Variants in GLI3 observed in about 807,000 individuals in gnomAD.
The protein encoded by GLI3 is transcription activator GLI3.
A neutral mutation model predicts 100.8 loss-of-function variants in GLI3; 20 were observed. The observed-to-expected ratio is 0.20, with a 90% CI of 0.14 to 0.29. The LOEUF (loss-of-function observed/expected upper bound fraction) is 0.29. Ranked by LOEUF, GLI3 falls within the 10% of genes least tolerant of loss-of-function variation. The pLI, the probability that GLI3 is intolerant of heterozygous loss-of-function variation, is 1.00. For synonymous variants in GLI3, 938 were observed against 860.5 expected, an observed-to-expected ratio of 1.09 and a Z score of -1.58; for missense variants, 2,040 against 2,128.5, an observed-to-expected ratio of 0.96 and a Z score of 0.82.
chr7:42,130,163 C>A (rs965846588), intron 3 of GLI3, among the ~76,000 whole-genome samples: 1 of 152,132 alleles, frequency 6.6e-6, no homozygotes, highest in African/African-American at 2.4e-5. Flanking sequence ...AAGCCCTCTT[C>A]GTTCTGGCAT....
At chr7:42,109,408 C>T (rs73090691) in intron 3 of GLI3, among the ~76,000 whole-genome samples, 1,877 of 152,288 alleles carry the variant, frequency 0.012, 17 homozygotes, top group Middle Eastern at 0.024. Flanking sequence ...ACCCCATGGG[C>T]TATAATAAGA....
chr7:41,991,877 G>A (rs989812312), intron 10 of GLI3, among the ~76,000 whole-genome samples: 5 of 152,174 alleles, frequency 3.3e-5, no homozygotes, highest in Non-Finnish European at 7.4e-5. Context: ...TTGGAAAATG[G>A]TGCCAAGTAT....
chr7:41,974,620 T>G (rs1787458957), intron 12 of GLI3, among the ~76,000 whole-genome samples: 1 of 152,176 alleles, frequency 6.6e-6, no homozygotes, highest in African/African-American at 2.4e-5. Context: ...TGTAAGGATA[T>G]AGACAGAGGA....
At chr7:42,246,084 A>T (rs1788968021) in intron 1 of GLI3, among the ~76,000 whole-genome samples, 1 of 152,126 alleles carries the variant, frequency 6.6e-6, no homozygotes, top group South Asian at 2.1e-4. Context: ...GGAAACTCTG[A>T]AAAACCACTG....
At chr7:42,245,438 G>A (rs1435877733) in intron 1 of GLI3, among the ~76,000 whole-genome samples, 1 of 152,144 alleles carries the variant, frequency 6.6e-6, no homozygotes, top group Non-Finnish European at 1.5e-5. Flanking sequence ...GGCTTACTTT[G>A]GGAGGCTGAG....
intron 12 of GLI3, among the ~76,000 whole-genome samples, chr7:41,975,066 C>G (rs1246872175): frequency 6.6e-6 from 1 of 152,118 alleles, no homozygotes; most frequent in African/African-American, 2.4e-5. Context: ...GAGGTTCAAC[C>G]GAATCAGAGC....
At chr7:42,042,608 T>C (rs1462378270) in intron 6 of GLI3, among the ~76,000 whole-genome samples, 3 of 152,204 alleles carry the variant, frequency 2.0e-5, no homozygotes, top group African/African-American at 7.2e-5. Flanking sequence ...TCTAATGTTT[T>C]AGATCACTAA....
intron 10 of GLI3, among the ~76,000 whole-genome samples, chr7:42,021,647 T>G (rs1165203552): frequency 1.3e-5 from 2 of 152,228 alleles, no homozygotes; most frequent in Admixed American, 6.5e-5. Context: ...AGACTTAGAA[T>G]AAGCTCTTAT....
intron 2 of GLI3, among the ~76,000 whole-genome samples, chr7:42,214,316 C>T (rs1290204247): frequency 6.6e-6 from 1 of 152,044 alleles, no homozygotes; most frequent in Non-Finnish European, 1.5e-5. Flanking sequence ...TTGTGTGGCA[C>T]AGTCAGACCT....
chr7:42,223,983 T>C (rs1030008989), intron 1 of GLI3, among the ~76,000 whole-genome samples: 2 of 152,228 alleles, frequency 1.3e-5, no homozygotes, highest in Admixed American at 1.3e-4. Flanking sequence ...TGATTCCACA[T>C]GGAAAAGTTG....
intron 6 of GLI3, among the ~76,000 whole-genome samples, chr7:42,042,396 C>G (rs1014562837): frequency 6.6e-6 from 1 of 152,174 alleles, no homozygotes; most frequent in African/African-American, 2.4e-5. Context: ...TTCACATTTA[C>G]TCACCATGAG....
At chr7:42,188,002 C>CAAAAAAAAAAAAAA (rs56140906) in intron 2 of GLI3, among the ~76,000 whole-genome samples, 43 of 85,228 alleles carry the variant, frequency 5.0e-4, no homozygotes, top group Non-Finnish European at 5.9e-4. Context: ...GACTCCATCT[C>CAAAAAAAAAAAAAA]AAAAAAAAAA....
chr7:42,233,299 G>A (rs1788729205), intron 1 of GLI3, among the ~76,000 whole-genome samples: 1 of 152,208 alleles, frequency 6.6e-6, no homozygotes, highest in Non-Finnish European at 1.5e-5. Flanking sequence ...GAAGCTTAGT[G>A]AGCTCATAAA....
In GLI3 at chr7:41,995,419, G is replaced by A. The variant is rs75186664; in HGVS notation, c.1498-16671C>T. ...ACTCTTCTGCCTGGCCTGCTTGTCC[G>A]ATGTCTTTCTACTTGGCTGCCTCCT... On this transcript the variant is annotated intron_variant, in intron 10 of 14. Coordinates refer to ENST00000395925, the MANE Select transcript of GLI3 (RefSeq NM_000168.6). Among the ~76,000 whole-genome samples, 471 of 152,166 alleles carry A rather than the reference G, an allele frequency of 3.1e-3. 5 individuals carry two copies. Among genetic ancestry groups the A allele is most frequent in the African/African-American group, 0.011 (451 of 41,526 alleles).
chr7:42,172,683 T>A, intron 2 of GLI3: 1 of 699,898 alleles, frequency 1.4e-6, no homozygotes, highest in Non-Finnish European at 2.6e-6. Context: ...CTCCAAATGG[T>A]TGCCTGGGAG....
intron 1 of GLI3, among the ~76,000 whole-genome samples, chr7:42,262,209 T>TTCCTTCCTTCCTTTCTTCC (rs1186292634): frequency 1.8e-5 from 2 of 110,894 alleles, no homozygotes; most frequent in African/African-American, 4.0e-5. Context: ...TCCTTCCTTC[T>TTCCTTCCTTCCTTTCTTCC]TTCCTTCCTT....
At chr7:41,968,686 GAAGA>G (rs748578300) in intron 13 of GLI3, among the ~76,000 whole-genome samples, 10,917 of 70,618 alleles carry the variant, frequency 0.15, 1,305 homozygotes, top group Non-Finnish European at 0.22. Context: ...AAGAAAGAAA[GAAGA>G]AAGAAAGAAA....
chr7:41,991,440 C>A (rs966552116), intron 10 of GLI3, among the ~76,000 whole-genome samples: 1 of 152,162 alleles, frequency 6.6e-6, no homozygotes, highest in African/African-American at 2.4e-5. Context: ...GTGTGCAGTA[C>A]CCTCCTAAAC....
intron 10 of GLI3, among the ~76,000 whole-genome samples, chr7:41,987,309 C>G (rs766463281): frequency 6.6e-6 from 1 of 152,122 alleles, no homozygotes; most frequent in Non-Finnish European, 1.5e-5. Context: ...ACTGGGACTA[C>G]AGGCATGCGC....
Sources: allele counts gnomAD v4.1 joint callset (sites outside exome capture counted in the v4.1 genomes callset), GRCh38; gene constraint gnomAD v4.1.1; transcripts MANE v1.5; gene names NCBI Gene and HGNC (gene_info 2026-07-23, HGNC 2026-07-21).